The following SPATA22 variants were observed in gnomAD, a reference collection of about 807,000 sequenced individuals.
The protein encoded by SPATA22 is spermatogenesis-associated protein 22.
A neutral mutation model predicts 47.8 loss-of-function variants in SPATA22; 29 were observed. That is an observed-to-expected ratio of 0.61 (90% CI 0.45 to 0.83). The LOEUF is 0.83. Ranked by LOEUF, SPATA22 falls within the 40% of genes least tolerant of loss-of-function variation. The pLI is 0.00. For synonymous variants in SPATA22, 133 were observed against 140.9 expected (o/e 0.94, Z 0.40); for missense variants, 410 against 421.7 (o/e 0.97, Z 0.24).
intron 7 of SPATA22, among the ~76,000 whole-genome samples, chr17:3,444,624 CT>C (rs1208672733): frequency 6.6e-6 from 1 of 152,042 alleles, no homozygotes; most frequent in African/African-American, 2.4e-5. Context: ...ACTGTGCCAT[CT>C]CTTGAGCAGC....
In SPATA22 at chr17:3,462,537, T is replaced by C; in HGVS notation, c.275A>G (p.Asp92Gly). 1 of 1,613,424 alleles carries C rather than the reference T, an allele frequency of 6.2e-7. No homozygotes were observed. The highest frequency in any genetic ancestry group is 1.1e-5 in the South Asian group (1 of 90,880). The change falls in exon 5 of 9, where the codon GAT becomes GGT. Residue 92 changes from aspartate to glycine, a missense_variant. Asp to Gly is a moderately conservative substitution (Grantham distance 94). Coordinates refer to ENST00000572969, the MANE Select transcript of SPATA22 (RefSeq NM_001170698.2). ...TGATTGAATAGAGTTAAAGACAGAA[T>C]CTTGACTTCTCAGAGGACGAGAAAC... is the stretch of plus-strand genomic sequence containing the variant. ...HSVSRPLRSQ[D>G]SVFNSIQSNT...
chr17:3,506,588 T>C (rs1312853643), intron 1 of SPATA22, among the ~76,000 whole-genome samples: 1 of 152,142 alleles, frequency 6.6e-6, no homozygotes, highest in Non-Finnish European at 1.5e-5. Flanking sequence ...TCTTGAAACA[T>C]AAGAAAGCTC....
intron 1 of SPATA22, chr17:3,489,188 T>G: frequency 8.7e-7 from 1 of 1,146,384 alleles, no homozygotes; most frequent in Admixed American, 1.8e-5. Context: ...TTTTATAATA[T>G]ATTTTCATAC....
chr17:3,476,727 G>C (rs1313826694), upstream of SPATA22, among the ~76,000 whole-genome samples: 1 of 152,164 alleles, frequency 6.6e-6, no homozygotes, highest in African/African-American at 2.4e-5. Flanking sequence ...CCTTTGCATT[G>C]AGTTAGTGTT....
At chr17:3,463,216 T>C (rs2073170194) in intron 3 of SPATA22, among the ~76,000 whole-genome samples, 1 of 152,234 alleles carries the variant, frequency 6.6e-6, no homozygotes, top group African/African-American at 2.4e-5. Flanking sequence ...TGATACACAC[T>C]GACACAGTCA....
At chr17:3,470,834 TG>T (rs2073415852) in intron 1 of SPATA22, among the ~76,000 whole-genome samples, 1 of 151,420 alleles carries the variant, frequency 6.6e-6, no homozygotes, top group Non-Finnish European at 1.5e-5. Context: ...GGCTTGAAGC[TG>T]GGTAGAAGAG....
At chr17:3,481,556 A>G (rs1205236681) in intron 1 of SPATA22, 1 of 1,527,752 alleles carries the variant, frequency 6.5e-7, no homozygotes, top group Non-Finnish European at 9.0e-7. Context: ...TGTTTATATT[A>G]TCTCAGGCAC....
At chr17:3,455,846 G>C (rs2072979511) in intron 5 of SPATA22, among the ~76,000 whole-genome samples, 1 of 151,876 alleles carries the variant, frequency 6.6e-6, no homozygotes, top group African/African-American at 2.4e-5. Context: ...GTCATTGGTA[G>C]CTTGATGGGG....
rs1490718443 is a variant in SPATA22, at chr17:3,443,790, CAATAT to C, written c.803-524_803-520del. Reference sequence around the variant, plus strand: ...TATACAACATATTTTCATATACATACAATATATTTTCATATACCTATATATAGTGA... The same window carrying C: ...TATACAACATATTTTCATATACATACATTTTCATATACCTATATATAGTGA... On this transcript the variant is annotated intron_variant, in intron 7 of 8. Coordinates refer to ENST00000572969, the MANE Select transcript of SPATA22 (RefSeq NM_001170698.2). 3.9e-5 allele frequency among the ~76,000 whole-genome samples: 6 copies of C among 151,942 alleles called. No individual in the cohort carries two copies. In the East Asian group the frequency reaches 7.7e-4, roughly 20 times the overall value.
At chr17:3,442,132 A>G (rs1226630961) in intron 8 of SPATA22, among the ~76,000 whole-genome samples, 1 of 151,966 alleles carries the variant, frequency 6.6e-6, no homozygotes, top group Non-Finnish European at 1.5e-5. Context: ...ACTTTTCTGT[A>G]CATGTTATAC....
At chr17:3,484,673 C>T (rs1030624057) in intron 1 of SPATA22, among the ~76,000 whole-genome samples, 2 of 152,176 alleles carry the variant, frequency 1.3e-5, no homozygotes, top group Non-Finnish European at 2.9e-5. Flanking sequence ...TCTAGAAAAA[C>T]GATCACATAC....
chr17:3,451,086 C>T (rs925679482), intron 5 of SPATA22, among the ~76,000 whole-genome samples: 19 of 152,078 alleles, frequency 1.2e-4, no homozygotes, highest in African/African-American at 4.6e-4. Flanking sequence ...TTCAAAGACA[C>T]ATAAAAGCTG....
At chr17:3,497,700 C>T (rs922121594) in intron 1 of SPATA22, among the ~76,000 whole-genome samples, 1 of 152,092 alleles carries the variant, frequency 6.6e-6, no homozygotes, top group African/African-American at 2.4e-5. Context: ...ACACTAATGT[C>T]GTGCACGTGA....
intron 1 of SPATA22, among the ~76,000 whole-genome samples, chr17:3,508,515 G>C (rs1178219572): frequency 2.0e-5 from 3 of 147,968 alleles, no homozygotes; most frequent in African/African-American, 7.5e-5. Context: ...GTCCAACAAT[G>C]ATAGACTGGA....
At chr17:3,494,015 T>C (rs1042673352) in intron 1 of SPATA22, among the ~76,000 whole-genome samples, 4 of 146,106 alleles carry the variant, frequency 2.7e-5, no homozygotes, top group Admixed American at 7.3e-5. Flanking sequence ...CTTCCTTACA[T>C]TGTTAACTTC....
chr17:3,440,836 G>A (rs939573406), intron 8 of SPATA22: 1 of 152,108 alleles, frequency 6.6e-6, no homozygotes, highest in Admixed American at 6.6e-5. Context: ...ACCTGGTTTG[G>A]GGTGTGCTTT....
intron 1 of SPATA22, among the ~76,000 whole-genome samples, chr17:3,478,389 C>A (rs1238242173): frequency 6.6e-6 from 1 of 152,138 alleles, no homozygotes; most frequent in Admixed American, 6.5e-5. Flanking sequence ...ATACTGCAGT[C>A]ATCCTGTTTG....
intron 1 of SPATA22, chr17:3,501,613 G>A (rs550492023): frequency 6.0e-6 from 1 of 166,492 alleles, no homozygotes; most frequent in South Asian, 1.7e-4. Context: ...CGTAAACATA[G>A]TTGATAAAGC....
At chr17:3,449,510 G>A (rs1189973342) in intron 5 of SPATA22, among the ~76,000 whole-genome samples, 1 of 152,202 alleles carries the variant, frequency 6.6e-6, no homozygotes, top group Admixed American at 6.5e-5. Flanking sequence ...GTAAGACTTT[G>A]AGGGCATTTA....
Sources: gnomAD v4.1 joint callset for allele counts (sites outside exome capture counted in the v4.1 genomes callset) on GRCh38, gnomAD v4.1.1 for gene constraint, MANE v1.5 for transcripts, NCBI Gene and HGNC (gene_info 2026-07-23, HGNC 2026-07-21) for gene names.